The following TTC7B variants were observed in gnomAD, a reference collection of about 807,000 sequenced individuals.
TTC7B encodes tetratricopeptide repeat protein 7B.
TTC7B carries 28 observed loss-of-function variants against 106.8 expected under a neutral mutation model. The observed-to-expected ratio is 0.26, with a 90% confidence interval of 0.19 to 0.36. The LOEUF is 0.36. Ranked by LOEUF, TTC7B falls within the 10% of genes least tolerant of loss-of-function variation. The probability of loss-of-function intolerance (pLI) is 1.00; values close to 1 mark genes in which losing one functional copy is unlikely to be tolerated. For synonymous variants in TTC7B, 405 were observed against 430.6 expected, an observed-to-expected ratio of 0.94 and a Z score of 0.74; for missense variants, 862 against 1,076.4, an observed-to-expected ratio of 0.80 and a Z score of 2.79.
At chr14:90,752,003 C>T (rs1392095489) in intron 3 of TTC7B, among the ~76,000 whole-genome samples, 1 of 152,152 alleles carries the variant, frequency 6.6e-6, no homozygotes, top group East Asian at 1.9e-4. Flanking sequence ...CTGCTGAGTG[C>T]ACAGGGTGGA....
chr14:90,752,925 G>A (rs1890179151), intron 3 of TTC7B, among the ~76,000 whole-genome samples: 1 of 152,218 alleles, frequency 6.6e-6, no homozygotes, highest in African/African-American at 2.4e-5. Context: ...GAACTTTAGG[G>A]TGCTGATTTT....
At chr14:90,755,257 A>C (rs976051284) in intron 3 of TTC7B, among the ~76,000 whole-genome samples, 3 of 152,200 alleles carry the variant, frequency 2.0e-5, no homozygotes, top group Non-Finnish European at 2.9e-5. Flanking sequence ...CCTAGGGTGG[A>C]CCACGTGGTA....
At chr14:90,596,982 T>C (rs1351896467) in intron 17 of TTC7B, among the ~76,000 whole-genome samples, 1 of 152,216 alleles carries the variant, frequency 6.6e-6, no homozygotes, top group East Asian at 1.9e-4. Context: ...GACACTTCAG[T>C]GCAGTGCTCA....
At chr14:90,700,768 G>A (rs1166857893) in intron 5 of TTC7B, among the ~76,000 whole-genome samples, 1 of 84,156 alleles carries the variant, frequency 1.2e-5, no homozygotes, top group East Asian at 3.7e-4. Context: ...CTCCGGAAAA[G>A]CAGATACATA....
At chr14:90,572,127 C>A (rs1376664427) in intron 19 of TTC7B, among the ~76,000 whole-genome samples, 1 of 152,172 alleles carries the variant, frequency 6.6e-6, no homozygotes, top group Non-Finnish European at 1.5e-5. Flanking sequence ...GCCAGGCAAG[C>A]CGAAGCTCAC....
chr14:90,642,779 G>T (rs781023546), intron 15 of TTC7B: 3 of 152,080 alleles, frequency 2.0e-5, no homozygotes, highest in Non-Finnish European at 4.4e-5. Flanking sequence ...TAGTTCTTAG[G>T]TTACGTATAA....
chr14:90,554,307 G>C (rs1338347037), intron 19 of TTC7B, among the ~76,000 whole-genome samples: 1 of 152,224 alleles, frequency 6.6e-6, no homozygotes, highest in Non-Finnish European at 1.5e-5. Context: ...CAGGGCATTA[G>C]AGCATTCCCC....
Position 90,601,996 on chromosome 14 carries a change from C to G in TTC7B, c.1967-8370G>C, listed in dbSNP as rs7153582. On this transcript the variant is annotated intron_variant, in intron 17 of 19. Transcript: ENST00000328459. Reference sequence around the variant, plus strand: ...AGCACCTAATGTGTGATGACAGCACCAACACATACCTCTTTTCTATTATGG... The same window carrying G: ...AGCACCTAATGTGTGATGACAGCACGAACACATACCTCTTTTCTATTATGG... 592 of 386,436 alleles carry G rather than the reference C, an allele frequency of 1.5e-3. 7 individuals are homozygous for G. Among genetic ancestry groups the G allele is most frequent in the African/African-American group, 0.012 (565 of 47,964 alleles). 23.9% of individuals were successfully genotyped at this position (386,436 alleles called of 1,614,324 possible). A position where few individuals can be genotyped will look rare whatever the true frequency, so the allele number is the denominator to read the frequency against.
At chr14:90,560,874 T>C (rs1490074610) in intron 19 of TTC7B, among the ~76,000 whole-genome samples, 1 of 152,274 alleles carries the variant, frequency 6.6e-6, no homozygotes, top group East Asian at 1.9e-4. Flanking sequence ...CAGAAGCAGA[T>C]TTGTCACCTT....
intron 18 of TTC7B, among the ~76,000 whole-genome samples, chr14:90,580,753 T>C (rs1239969037): frequency 1.3e-5 from 2 of 152,206 alleles, no homozygotes; most frequent in Non-Finnish European, 2.9e-5. Context: ...ACCACCCGCC[T>C]CAGCTGAAAG....
Position 90,805,557 on chromosome 14 carries a change from C to T in TTC7B, c.121+10618G>A, listed in dbSNP as rs149924443. On this transcript the variant is annotated intron_variant, in intron 1 of 19. Coordinates refer to ENST00000328459, the MANE Select transcript of TTC7B (RefSeq NM_001010854.2). This position sits in a 1 kb window ranked among gnomAD's most constrained non-coding sequence, Gnocchi z 4.0. ...CTGGGATTGCAGGCATGAGCCACCGCGCCCGGCCTAAACCTCACCTCTATC... is the reference window on the plus strand; with the variant it reads ...CTGGGATTGCAGGCATGAGCCACCGTGCCCGGCCTAAACCTCACCTCTATC... Among the ~76,000 whole-genome samples the T allele has an allele frequency of 1.9e-4, 29 of 152,298 alleles. No homozygotes were observed. Among genetic ancestry groups the T allele is most frequent in the African/African-American group, 1.2e-4 (5 of 41,560 alleles).
intron 17 of TTC7B, among the ~76,000 whole-genome samples, chr14:90,598,561 C>T (rs559253321): frequency 2.0e-5 from 3 of 152,286 alleles, no homozygotes; most frequent in South Asian, 4.1e-4. Flanking sequence ...GGAACCAAGG[C>T]CACTGATCTC....
In TTC7B at chr14:90,533,052, A is replaced by G. The variant is rs1889323147; in HGVS notation, c.*8316T>C. ...GTTCTCCCCATTTCACAGATGAGGA[A>G]ACCGAGGCTCAGAGAGGACTAGTGA... On this transcript the variant is annotated 3_prime_UTR_variant, in exon 20 of 20. Coordinates refer to ENST00000328459, the MANE Select transcript of TTC7B (RefSeq NM_001010854.2). The G allele has an allele frequency of 6.5e-6, 1 of 153,210 alleles. No individual in the cohort carries two copies. The highest frequency in any genetic ancestry group is 2.1e-4 in the South Asian group (1 of 4,852). The allele number at this position is 153,210 out of a possible 1,614,324, so 9.5% of individuals were successfully genotyped here.
chr14:90,724,483 G>T (rs984398717), intron 5 of TTC7B, among the ~76,000 whole-genome samples: 1 of 152,152 alleles, frequency 6.6e-6, no homozygotes, highest in Admixed American at 6.5e-5. Context: ...CTCATGAATG[G>T]TTTAGCACCA....
intron 3 of TTC7B, chr14:90,767,028 CAAAA>C (rs71301958): frequency 1.4e-3 from 708 of 523,240 alleles, no homozygotes; most frequent in South Asian, 2.0e-3. Flanking sequence ...GTTTATATAC[CAAAA>C]AAAAAAAAAA....
chr14:90,690,053 C>A (rs1239960918), intron 6 of TTC7B, among the ~76,000 whole-genome samples: 1 of 152,206 alleles, frequency 6.6e-6, no homozygotes, highest in Non-Finnish European at 1.5e-5. Flanking sequence ...AGGTGAGCTG[C>A]AGATATTAGC....
chr14:90,744,400 A>G (rs1038383276), intron 4 of TTC7B, among the ~76,000 whole-genome samples: 1 of 151,932 alleles, frequency 6.6e-6, no homozygotes, highest in Non-Finnish European at 1.5e-5. Flanking sequence ...TGCAACCTCC[A>G]TCTCCTGGGT....
intron 5 of TTC7B, 105 bp from the exon 6 acceptor site, chr14:90,695,683 G>A: frequency 1.7e-6 from 1 of 590,094 alleles, no homozygotes; most frequent in Non-Finnish European, 2.7e-6. Context: ...CTGTTGGCTA[G>A]ATTTTAAGCA....
chr14:90,540,575 C>T lies in TTC7B; in HGVS notation c.*793G>A, dbSNP rs960471256. The T allele has an allele frequency of 1.3e-5, 2 of 153,792 alleles. No individual in the cohort carries two copies. Among genetic ancestry groups the T allele is most frequent in the Non-Finnish European group, 2.9e-5 (2 of 68,060 alleles). 9.5% of individuals were successfully genotyped at this position (153,792 alleles called of 1,614,324 possible). Reference sequence around the variant, plus strand: ...CAGGTCTTTGAGCTTTTACGAATGACACAGGCTATGAGTCCATTTAAAAAT... The same window carrying T: ...CAGGTCTTTGAGCTTTTACGAATGATACAGGCTATGAGTCCATTTAAAAAT... On this transcript the variant is annotated 3_prime_UTR_variant, in exon 20 of 20. Transcript: ENST00000328459.
Sources: gnomAD v4.1 joint callset for allele counts (sites outside exome capture counted in the v4.1 genomes callset) on GRCh38, gnomAD v4.1.1 for gene constraint, Gnocchi (gnomAD v3.1) non-coding constraint, MANE v1.5 for transcripts, NCBI Gene and HGNC (gene_info 2026-07-23, HGNC 2026-07-21) for gene names.